The following CALN1 variants were observed in gnomAD, a reference collection of about 807,000 sequenced individuals.
CALN1 encodes the protein calcium-binding protein 8.
CALN1 carries 17 observed loss-of-function variants against 30.6 expected under a neutral mutation model. The ratio of observed to expected loss-of-function variants is 0.56; its 90% CI spans 0.38 to 0.83. CALN1 has a LOEUF of 0.83. CALN1 is among the 40% of genes least tolerant of loss of function. The pLI, the probability that CALN1 is intolerant of heterozygous loss-of-function variation, is 0.00. For missense variants in CALN1, 291 were observed against 354.9 expected (o/e 0.82, Z 1.45); for synonymous variants, 156 against 131.4 (o/e 1.19, Z -1.28).
At chr7:72,254,020 C>T (rs528194294) in intron 3 of CALN1, among the ~76,000 whole-genome samples, 1 of 152,148 alleles carries the variant, frequency 6.6e-6, no homozygotes, top group East Asian at 1.9e-4. Context: ...AGATTACAGG[C>T]ATGAGCAACT....
At chr7:71,910,583 A>C (rs2116997964) in intron 5 of CALN1, among the ~76,000 whole-genome samples, 1 of 152,262 alleles carries the variant, frequency 6.6e-6, no homozygotes, top group South Asian at 2.1e-4. Context: ...ATTTACCTGC[A>C]ATACCAAGAA....
At chr7:71,860,030 T>C (rs192723778) in intron 5 of CALN1, among the ~76,000 whole-genome samples, 3 of 152,256 alleles carry the variant, frequency 2.0e-5, no homozygotes, top group East Asian at 3.9e-4. Flanking sequence ...TTCTTGCAAA[T>C]ATAGTAATTA....
chr7:71,947,587 T>TA (rs1012824201), intron 5 of CALN1, among the ~76,000 whole-genome samples: 1 of 152,200 alleles, frequency 6.6e-6, no homozygotes, highest in African/African-American at 2.4e-5. Flanking sequence ...TTTCTTCTTC[T>TA]AAAAATCTCC....
At chr7:72,466,784 G>A in the CALN1 span, among the ~76,000 whole-genome samples, 2 of 146,426 alleles carry the variant, frequency 1.4e-5, no homozygotes, top group African/African-American at 5.1e-5. Flanking sequence ...AGAAGGGAAG[G>A]AAGGGAAAGA....
At chr7:71,824,016 T>A (rs1788761569) in intron 5 of CALN1, among the ~76,000 whole-genome samples, 1 of 152,080 alleles carries the variant, frequency 6.6e-6, no homozygotes, top group African/African-American at 2.4e-5. Context: ...CTCCCTCCCA[T>A]GACACGTGGG....
intron 3 of CALN1, among the ~76,000 whole-genome samples, chr7:72,145,017 C>G (rs1186851012): frequency 6.6e-6 from 1 of 152,162 alleles, no homozygotes; most frequent in South Asian, 2.1e-4. Context: ...CAAGAGAAAG[C>G]AGGGAAGTTC....
intron 3 of CALN1, among the ~76,000 whole-genome samples, chr7:72,193,818 A>G (rs931818447): frequency 2.6e-5 from 4 of 152,158 alleles, no homozygotes; most frequent in Non-Finnish European, 4.4e-5. Context: ...AGCAACCTGG[A>G]TGGAATTGGA....
intron 2 of CALN1, among the ~76,000 whole-genome samples, chr7:72,368,283 C>T (rs373155992): frequency 6.0e-5 from 9 of 148,880 alleles, no homozygotes; most frequent in South Asian, 4.4e-4. Context: ...GTGCTGGTAA[C>T]GTAGATATAT....
chr7:71,948,511 C>T (rs1182919370), intron 5 of CALN1, among the ~76,000 whole-genome samples: 1 of 151,932 alleles, frequency 6.6e-6, no homozygotes, highest in Non-Finnish European at 1.5e-5. Context: ...GGGCGGATCA[C>T]CTGAGGTCAG....
chr7:72,355,030 C>T (rs886497401), intron 2 of CALN1, among the ~76,000 whole-genome samples: 20 of 152,120 alleles, frequency 1.3e-4, no homozygotes, highest in African/African-American at 4.6e-4. Context: ...TCAACTCAGC[C>T]CCGGAATAGC....
intron 2 of CALN1, among the ~76,000 whole-genome samples, chr7:72,341,211 G>A (rs1802366766): frequency 6.6e-6 from 1 of 152,150 alleles, no homozygotes; most frequent in Admixed American, 6.5e-5. Flanking sequence ...CTTTCTAGAT[G>A]ACAACCATGT....
chr7:71,993,611 C>T (rs1799079465), intron 5 of CALN1, among the ~76,000 whole-genome samples: 1 of 152,248 alleles, frequency 6.6e-6, no homozygotes, highest in South Asian at 2.1e-4. Flanking sequence ...TGTGTGTCAA[C>T]ACACCCAGCT....
At chr7:72,334,697 G>A (rs1221210749) in intron 2 of CALN1, among the ~76,000 whole-genome samples, 4 of 152,234 alleles carry the variant, frequency 2.6e-5, no homozygotes, top group Admixed American at 6.5e-5. Context: ...AGGGAAAGGT[G>A]ACATCTTGGT....
At position 71,787,770 on chromosome 7, in the gene CALN1, G is replaced by A; in HGVS notation, c.*5C>T. The stretch of plus-strand genomic sequence containing the variant: ...CTGCAACACAGTGTGGCTGGCGGGA[G>A]GCTGCTACTCCATGCCGCTCCGGAG... On this transcript the variant is annotated 3_prime_UTR_variant, in exon 7 of 7. Coordinates refer to ENST00000395275, the MANE Select transcript of CALN1 (RefSeq NM_031468.4). 3 of 1,613,592 alleles carry A rather than the reference G, an allele frequency of 1.9e-6. No homozygotes were observed. The highest frequency in any genetic ancestry group is 2.2e-5 in the South Asian group (2 of 91,078).
intron 3 of CALN1, among the ~76,000 whole-genome samples, chr7:72,231,314 T>C (rs1015633101): frequency 3.3e-5 from 5 of 152,174 alleles, no homozygotes; most frequent in African/African-American, 1.2e-4. Context: ...CCCCAGTGTG[T>C]GTTGTTCCCT....
chr7:72,483,280 C>CTTTTTTT, the CALN1 span, among the ~76,000 whole-genome samples: 87 of 100,086 alleles, frequency 8.7e-4, no homozygotes, highest in Middle Eastern at 7.2e-3. Context: ...TTTTCTTTTT[C>CTTTTTTT]TTTTTTTTTT....
intron 3 of CALN1, among the ~76,000 whole-genome samples, chr7:72,234,340 G>T (rs1794330954): frequency 6.6e-6 from 1 of 152,192 alleles, no homozygotes; most frequent in South Asian, 2.1e-4. Flanking sequence ...ACCTCCCACA[G>T]TCTAGCACAT....
At chr7:72,315,351 A>C (rs552454868) in intron 2 of CALN1, among the ~76,000 whole-genome samples, 118 of 152,314 alleles carry the variant, frequency 7.7e-4, no homozygotes, top group African/African-American at 2.5e-3. Context: ...ACAAAAGGAA[A>C]AATCAAGCAG....
intron 5 of CALN1, among the ~76,000 whole-genome samples, chr7:71,812,008 G>T (rs1296314449): frequency 6.6e-6 from 1 of 152,158 alleles, no homozygotes; most frequent in Non-Finnish European, 1.5e-5. Flanking sequence ...CCAATAAAAT[G>T]TGAGTAGAAG....
Sources: gnomAD v4.1 joint callset for allele counts (sites outside exome capture counted in the v4.1 genomes callset) on GRCh38, gnomAD v4.1.1 for gene constraint, MANE v1.5 for transcripts, NCBI Gene and HGNC (gene_info 2026-07-23, HGNC 2026-07-21) for gene names.